DLGAP2: variants seen among roughly 807,000 people sequenced by gnomAD.
DLGAP2 encodes disks large-associated protein 2.
In DLGAP2, 26 loss-of-function variants were observed where a neutral mutation model predicts 100.3. That is an observed-to-expected ratio of 0.26 (90% CI 0.19 to 0.36). DLGAP2 has a LOEUF of 0.36. DLGAP2 is among the 10% of genes least tolerant of loss of function. The probability of loss-of-function intolerance (pLI) is 1.00; values close to 1 mark genes in which losing one functional copy is unlikely to be tolerated. For missense variants in DLGAP2, 1,858 were observed against 1,453.2 expected (o/e 1.28, Z -4.53); for synonymous variants, 886 against 630.1 (o/e 1.41, Z -6.08).
chr8:1,277,663 T>C (rs147776289), intron 3 of DLGAP2, among the ~76,000 whole-genome samples: 4 of 152,122 alleles, frequency 2.6e-5, no homozygotes, highest in Admixed American at 2.6e-4. Context: ...CCAAGTGTTA[T>C]CCGAAATGAG....
intron 2 of DLGAP2, among the ~76,000 whole-genome samples, chr8:915,309 A>C (rs1798567561): frequency 1.3e-5 from 2 of 152,162 alleles, no homozygotes; most frequent in South Asian, 4.1e-4. Flanking sequence ...GCGCTTTGGG[A>C]GGCCGAGGTG....
At chr8:1,497,407 C>T (rs528190019) in intron 3 of DLGAP2, among the ~76,000 whole-genome samples, 7 of 152,298 alleles carry the variant, frequency 4.6e-5, no homozygotes, top group Non-Finnish European at 8.8e-5. Flanking sequence ...CAGAACGTCT[C>T]AGAGCGCAGA....
At chr8:1,105,790 T>G (rs1360124069) in intron 2 of DLGAP2, among the ~76,000 whole-genome samples, 1 of 149,700 alleles carries the variant, frequency 6.7e-6, no homozygotes, top group East Asian at 2.0e-4. Context: ...GGTTTTCTAC[T>G]GAGAGGAGCC....
intron 1 of DLGAP2, among the ~76,000 whole-genome samples, chr8:899,148 G>A (rs1391279185): frequency 2.6e-5 from 4 of 152,222 alleles, no homozygotes; most frequent in East Asian, 1.9e-4. Context: ...CACTGACGCC[G>A]CATCTCCAGC....
chr8:1,508,976 C>T (rs898045390), intron 4 of DLGAP2, among the ~76,000 whole-genome samples: 4 of 152,046 alleles, frequency 2.6e-5, no homozygotes, highest in Non-Finnish European at 5.9e-5. Flanking sequence ...ATTAATGACC[C>T]GTGAATTCAA....
chr8:1,676,556 C>G lies in DLGAP2; in HGVS notation c.2226C>G (p.Asp742Glu). ...RSDVETATDS[D>E]TESRGLREYH... The stretch of plus-strand genomic sequence containing the variant: ...AGGTGGAAACGGCCACAGATTCTGA[C>G]ACGGAGAGCCGCGGTCTGCGGGAAT... The change falls in exon 11 of 15, where the codon GAC becomes GAG. Residue 742 changes from aspartate to glutamate, a missense_variant. Transcript: ENST00000637795. 1 of 1,613,440 alleles carries G rather than the reference C, an allele frequency of 6.2e-7. No homozygotes were observed. The highest frequency in any genetic ancestry group is 8.5e-7 in the Non-Finnish European group (1 of 1,179,688).
chr8:1,534,030 T>TA (rs1801073410), intron 4 of DLGAP2, among the ~76,000 whole-genome samples: 1 of 152,252 alleles, frequency 6.6e-6, no homozygotes, highest in Admixed American at 6.5e-5. Context: ...TCAAATGTTT[T>TA]AAAACAAGCA....
At chr8:1,461,137 G>A (rs917523024) in intron 3 of DLGAP2, among the ~76,000 whole-genome samples, 4 of 151,306 alleles carry the variant, frequency 2.6e-5, no homozygotes, top group African/African-American at 9.7e-5. Context: ...TCGTGGCCAG[G>A]AGGAGGGAGA....
At chr8:951,142 A>T (rs774772345) in intron 2 of DLGAP2, among the ~76,000 whole-genome samples, 7 of 152,194 alleles carry the variant, frequency 4.6e-5, no homozygotes, top group Non-Finnish European at 8.8e-5. Flanking sequence ...TTTCCAAAAC[A>T]TTATTTATCA....
chr8:1,469,820 C>G (rs1028677479), intron 3 of DLGAP2, among the ~76,000 whole-genome samples: 1 of 152,060 alleles, frequency 6.6e-6, no homozygotes, highest in African/African-American at 2.4e-5. Flanking sequence ...GTATGACCCT[C>G]GATTATTTCT....
chr8:1,241,860 G>A (rs1798804167), intron 2 of DLGAP2, among the ~76,000 whole-genome samples: 1 of 152,164 alleles, frequency 6.6e-6, no homozygotes, highest in Non-Finnish European at 1.5e-5. Flanking sequence ...TGATATTGTA[G>A]AGAAAAATGT....
At chr8:907,488 A>G (rs1323948614) in intron 1 of DLGAP2, among the ~76,000 whole-genome samples, 1 of 152,224 alleles carries the variant, frequency 6.6e-6, no homozygotes, top group Non-Finnish European at 1.5e-5. Context: ...CCCTTGATGG[A>G]AGCTCAGACT....
intron 3 of DLGAP2, among the ~76,000 whole-genome samples, chr8:1,443,832 G>C (rs972906789): frequency 6.6e-6 from 1 of 152,132 alleles, no homozygotes; most frequent in African/African-American, 2.4e-5. Context: ...TGAGATTTGG[G>C]CAGGGACACA....
Position 936,115 on chromosome 8 carries a change from A to G in DLGAP2, c.73+28149A>G, listed in dbSNP as rs78401554. Among the ~76,000 whole-genome samples, 1,267 of 152,278 alleles carry G rather than the reference A, an allele frequency of 8.3e-3. 21 individuals are homozygous for G. The highest frequency in any genetic ancestry group is 0.029 in the African/African-American group (1,208 of 41,556). On this transcript the variant is annotated intron_variant, in intron 2 of 14. Coordinates refer to ENST00000637795, the MANE Select transcript of DLGAP2 (RefSeq NM_001346810.2). Reference sequence around the variant, plus strand: ...CCGGTGTGTTCTGACTGAGTGGAACAGAACACTGTGTACCGTGTGTCGCTG... The same window carrying G: ...CCGGTGTGTTCTGACTGAGTGGAACGGAACACTGTGTACCGTGTGTCGCTG...
intron 4 of DLGAP2, among the ~76,000 whole-genome samples, chr8:1,538,942 A>G (rs189389985): frequency 3.2e-4 from 46 of 145,466 alleles, no homozygotes; most frequent in African/African-American, 9.3e-4. Context: ...CTGGAATGCA[A>G]TGGTGCGATC....
chr8:1,531,858 A>G (rs1043524386), intron 4 of DLGAP2, among the ~76,000 whole-genome samples: 24 of 152,314 alleles, frequency 1.6e-4, no homozygotes, highest in Middle Eastern at 6.8e-3. Flanking sequence ...CAGTTTATTT[A>G]GAAAGTTTAT....
chr8:961,616 T>G (rs1799727550), intron 2 of DLGAP2, among the ~76,000 whole-genome samples: 1 of 152,258 alleles, frequency 6.6e-6, no homozygotes, highest in East Asian at 1.9e-4. Context: ...TCCTTAAATT[T>G]ATACACAAGT....
intron 2 of DLGAP2, among the ~76,000 whole-genome samples, chr8:1,005,373 T>C (rs1233684888): frequency 6.6e-6 from 1 of 151,674 alleles, no homozygotes; most frequent in Admixed American, 6.6e-5. Flanking sequence ...TTGATGCCCA[T>C]GTTGTTTCCT....
chr8:1,479,560 G>T (rs1270993879), intron 3 of DLGAP2, among the ~76,000 whole-genome samples: 1 of 152,190 alleles, frequency 6.6e-6, no homozygotes, highest in Non-Finnish European at 1.5e-5. Context: ...ATAAGCAGAG[G>T]GGAAGGCTGT....
Sources: allele counts gnomAD v4.1 joint callset (sites outside exome capture counted in the v4.1 genomes callset), GRCh38; gene constraint gnomAD v4.1.1; transcripts MANE v1.5; gene names NCBI Gene and HGNC (gene_info 2026-07-23, HGNC 2026-07-21).